PDE9A: variants seen among roughly 807,000 people sequenced by gnomAD.
PDE9A encodes the protein high affinity cGMP-specific 3',5'-cyclic phosphodiesterase 9A.
Under a neutral mutation model 87.4 loss-of-function variants are expected in PDE9A, and 60 were observed. The observed-to-expected ratio is 0.69, with a 90% CI of 0.56 to 0.85. The LOEUF (loss-of-function observed/expected upper bound fraction) is 0.85, where lower values mean the gene tolerates loss of function less well. Among genes scored for constraint, PDE9A ranks in the 40% least tolerant of loss-of-function variants. The pLI is 0.00. For missense variants in PDE9A, 665 were observed against 779.0 expected (o/e 0.85, Z 1.74); for synonymous variants, 272 against 279.4 (o/e 0.97, Z 0.27).
intron 4 of PDE9A, among the ~76,000 whole-genome samples, chr21:42,709,058 C>T (rs2049069806): frequency 6.6e-6 from 1 of 152,104 alleles, no homozygotes; most frequent in Non-Finnish European, 1.5e-5. Flanking sequence ...AATCCAAATG[C>T]CCATCAATGA....
At chr21:42,661,118 G>A (rs1462944205) in intron 1 of PDE9A, among the ~76,000 whole-genome samples, 75 of 149,200 alleles carry the variant, frequency 5.0e-4, no homozygotes, top group Non-Finnish European at 8.9e-5. Context: ...TGCAACCTCC[G>A]CCTCCCAGGT....
At chr21:42,767,633 C>G (rs1430676628) in intron 15 of PDE9A, among the ~76,000 whole-genome samples, 1 of 152,202 alleles carries the variant, frequency 6.6e-6, no homozygotes, top group Non-Finnish European at 1.5e-5. Context: ...CCTGTCTAAT[C>G]AGCTTCAGAG....
intron 4 of PDE9A, among the ~76,000 whole-genome samples, chr21:42,712,269 GTGTTTTC>G (rs2049420063): frequency 6.6e-6 from 1 of 152,120 alleles, no homozygotes; most frequent in African/African-American, 2.4e-5. Context: ...TTACTCCAAA[GTGTTTTC>G]TGTTTTCTGG....
intron 1 of PDE9A, 50 bp from the exon 2 acceptor site, chr21:42,686,142 A>C (rs776267911): frequency 7.0e-7 from 1 of 1,438,654 alleles, no homozygotes; most frequent in East Asian, 2.3e-5. Context: ...TGACGTCTCC[A>C]GGGAGACCCG....
At chr21:42,745,057 C>T (rs2053696576) in intron 8 of PDE9A, among the ~76,000 whole-genome samples, 1 of 152,208 alleles carries the variant, frequency 6.6e-6, no homozygotes, top group Admixed American at 6.5e-5. Flanking sequence ...TGCAATTGCA[C>T]TGAGTTGTCT....
In PDE9A at chr21:42,692,402, G is replaced by A. The variant is rs1037789691; in HGVS notation, c.218+4408G>A. Among the ~76,000 whole-genome samples the A allele has an allele frequency of 4.6e-5, 7 of 152,306 alleles. No homozygotes were observed. The highest frequency in any genetic ancestry group is 7.2e-5 in the African/African-American group (3 of 41,574). On this transcript the variant is annotated intron_variant, in intron 3 of 19. Coordinates refer to ENST00000291539, the MANE Select transcript of PDE9A (RefSeq NM_002606.3). The surrounding 1 kb of genome is among the most constrained non-coding windows in gnomAD (Gnocchi z 4.3). ...CAGGCCCACAACAATGACACACGTG[G>A]CCGGAGACATCAGCGGTGCTGAGGC...
intron 8 of PDE9A, 39 bp downstream of exon 8, chr21:42,743,899 G>A: frequency 8.0e-7 from 1 of 1,243,664 alleles, no homozygotes; most frequent in South Asian, 1.3e-5. Flanking sequence ...CCGGGCCTGG[G>A]GAGGGCTCCC....
At chr21:42,670,707 A>T (rs1454990032) in intron 1 of PDE9A, among the ~76,000 whole-genome samples, 1 of 151,756 alleles carries the variant, frequency 6.6e-6, no homozygotes, top group African/African-American at 2.4e-5. Flanking sequence ...ACTCACACAT[A>T]CACTTACACT....
At chr21:42,745,917 G>A (rs1465361557) in intron 8 of PDE9A, among the ~76,000 whole-genome samples, 2 of 152,218 alleles carry the variant, frequency 1.3e-5, no homozygotes, top group Non-Finnish European at 2.9e-5. Context: ...ATGGGTTGGG[G>A]AACTCCACCG....
At position 42,759,756 on chromosome 21, in the gene PDE9A, GGT is replaced by G. The variant is rs1228249327; in HGVS notation, c.898-564_898-563del. Among the ~76,000 whole-genome samples the G allele has an allele frequency of 2.0e-5, 3 of 149,202 alleles. No homozygotes were observed. The highest frequency in any genetic ancestry group is 4.3e-4 in the South Asian group (2 of 4,652). ...TGCATGTGTGTATCTGTGGATGTGA[GGT>G]GTGTGTGCATGTGTGTATCTGGATG... On this transcript the variant is annotated intron_variant, in intron 11 of 19. Coordinates refer to ENST00000291539, the MANE Select transcript of PDE9A (RefSeq NM_002606.3). This position sits in a 1 kb window ranked among gnomAD's most constrained non-coding sequence, Gnocchi z 7.2.
At chr21:42,742,697 C>T (rs1435736708) in intron 7 of PDE9A, among the ~76,000 whole-genome samples, 1 of 152,054 alleles carries the variant, frequency 6.6e-6, no homozygotes, top group South Asian at 2.1e-4. Context: ...GAACTCCTGA[C>T]CTCGTGATCT....
At position 42,699,016 on chromosome 21, in the gene PDE9A, G is replaced by A; in HGVS notation, c.262+5G>A. The A allele has an allele frequency of 6.2e-7, 1 of 1,604,220 alleles. No homozygotes were observed. The highest frequency in any genetic ancestry group is 8.5e-7 in the Non-Finnish European group (1 of 1,171,128). ...TGGCCATCAAGCAACTCTCCGGTAAGGCCCTGCTGTCGTTTTTTAAACTAA... is the reference window on the plus strand; with the variant it reads ...TGGCCATCAAGCAACTCTCCGGTAAAGCCCTGCTGTCGTTTTTTAAACTAA... On this transcript the variant is annotated splice_donor_5th_base_variant and intron_variant, in intron 4 of 19. Coordinates refer to ENST00000291539, the MANE Select transcript of PDE9A (RefSeq NM_002606.3).
intron 16 of PDE9A, chr21:42,768,676 C>T: frequency 1.0e-6 from 1 of 985,446 alleles, no homozygotes; most frequent in Non-Finnish European, 1.2e-6. Flanking sequence ...AGGTCGGGGA[C>T]ATAGAAAACC....
chr21:42,685,467 C>CTTTTTTTTGTTTTT (rs2059405755), intron 1 of PDE9A, among the ~76,000 whole-genome samples: 1 of 115,974 alleles, frequency 8.6e-6, no homozygotes, highest in Non-Finnish European at 1.7e-5. Context: ...GAAAGGCAGT[C>CTTTTTTTTGTTTTT]TTTTTTTTTT....
intron 3 of PDE9A, among the ~76,000 whole-genome samples, chr21:42,698,580 G>T (rs2060269701): frequency 6.6e-6 from 1 of 152,116 alleles, no homozygotes; most frequent in Non-Finnish European, 1.5e-5. Context: ...TCATTTGGGG[G>T]ATACAGCCGC....
At chr21:42,687,169 C>T (rs1276066753) in intron 2 of PDE9A, among the ~76,000 whole-genome samples, 1 of 151,966 alleles carries the variant, frequency 6.6e-6, no homozygotes, top group African/African-American at 2.4e-5. Flanking sequence ...AAAGTTAGGA[C>T]GGAGGTGGAG....
At position 42,769,485 on chromosome 21, in the gene PDE9A, TGC is replaced by T. The variant is rs2056751918; in HGVS notation, c.1590+331_1590+332del. ...ACACAAATGTGCATGCAGGTACACA[TGC>T]ACACAAGGCACGCAGGTACACATGC... On this transcript the variant is annotated intron_variant, in intron 17 of 19. Coordinates refer to ENST00000291539, the MANE Select transcript of PDE9A (RefSeq NM_002606.3). Among the ~76,000 whole-genome samples, 3 of 8,410 alleles carry T rather than the reference TGC, an allele frequency of 3.6e-4. No homozygotes were observed. In the South Asian group the frequency reaches 8.8e-3, roughly 25 times the overall value. The allele number at this position is 8,410 out of a possible 152,430, so 5.5% of individuals were successfully genotyped here.
At chr21:42,709,815 G>A (rs975704271) in intron 4 of PDE9A, among the ~76,000 whole-genome samples, 3 of 152,094 alleles carry the variant, frequency 2.0e-5, no homozygotes, top group African/African-American at 7.2e-5. Context: ...TCCGAGTAGA[G>A]ACATGTTGCC....
rs1569174535 is a variant in PDE9A at position 42,704,030 on chromosome 21, AG to A, written c.262+5022del. 6.6e-6 allele frequency among the ~76,000 whole-genome samples: 1 copy of A among 152,176 alleles called. No individual in the cohort carries two copies. Among genetic ancestry groups the A allele is most frequent in the South Asian group, 2.1e-4 (1 of 4,826 alleles). ...AGGCTGTGATCTCGAGAAGGTGGTC[AG>A]GGCCCAGGCTCCCGCCAGCCCTCAC... On this transcript the variant is annotated intron_variant, in intron 4 of 19. Transcript: ENST00000291539. The surrounding 1 kb of genome is among the most constrained non-coding windows in gnomAD (Gnocchi z 5.3).
Sources: gnomAD v4.1 joint callset for allele counts (sites outside exome capture counted in the v4.1 genomes callset) on GRCh38, gnomAD v4.1.1 for gene constraint, Gnocchi (gnomAD v3.1) non-coding constraint, MANE v1.5 for transcripts, NCBI Gene and HGNC (gene_info 2026-07-23, HGNC 2026-07-21) for gene names.